The following TMEM132C variants were observed in gnomAD, a reference collection of about 807,000 sequenced individuals.
TMEM132C encodes the protein protein phosphatase 1, regulatory subunit 152.
TMEM132C carries 29 observed loss-of-function variants against 61.4 expected under a neutral mutation model. The observed-to-expected ratio is 0.47, with a 90% confidence interval of 0.35 to 0.64. TMEM132C has a LOEUF of 0.64. TMEM132C is among the 30% of genes least tolerant of loss of function. The pLI is 0.00. For synonymous variants in TMEM132C, 656 were observed against 633.1 expected (o/e 1.04, Z -0.54); for missense variants, 1,408 against 1,476.9 (o/e 0.95, Z 0.76).
At chr12:128,507,803 T>C (rs1872426484) in intron 2 of TMEM132C, among the ~76,000 whole-genome samples, 1 of 152,204 alleles carries the variant, frequency 6.6e-6, no homozygotes, top group Non-Finnish European at 1.5e-5. Context: ...CGCAGACTTC[T>C]CTGTGAGTAA....
intron 1 of TMEM132C, among the ~76,000 whole-genome samples, chr12:128,350,926 C>G (rs1873318388): frequency 6.6e-6 from 1 of 152,034 alleles, no homozygotes; most frequent in Non-Finnish European, 1.5e-5. Flanking sequence ...TTCTTAATGG[C>G]TGGAATATGA....
chr12:128,600,302 G>C (rs1876138653), intron 3 of TMEM132C, among the ~76,000 whole-genome samples: 1 of 152,134 alleles, frequency 6.6e-6, no homozygotes, highest in Admixed American at 6.5e-5. Context: ...GGTTTTATAA[G>C]GGGCTTTTCC....
chr12:128,579,184 C>G (rs932326231), intron 3 of TMEM132C, among the ~76,000 whole-genome samples: 2 of 152,190 alleles, frequency 1.3e-5, no homozygotes, highest in Non-Finnish European at 2.9e-5. Flanking sequence ...AGCCCATGCA[C>G]GGGCCTCAGT....
chr12:128,285,710 CCTTTCTCT>C (rs1225755904), intron 1 of TMEM132C, among the ~76,000 whole-genome samples: 1 of 140,974 alleles, frequency 7.1e-6, no homozygotes, highest in Non-Finnish European at 1.5e-5. Flanking sequence ...TCCCTCTGTC[CCTTTCTCT>C]CTTTCTCTCT....
At chr12:128,660,110 C>T (rs746706483) in intron 4 of TMEM132C, among the ~76,000 whole-genome samples, 7 of 152,186 alleles carry the variant, frequency 4.6e-5, no homozygotes, top group African/African-American at 1.2e-4. Flanking sequence ...GAATCTGGCA[C>T]GTAATGCATG....
chr12:128,570,227 A>C lies in TMEM132C; in HGVS notation c.1121+26124A>C, dbSNP rs1217202264. 6.6e-6 allele frequency among the ~76,000 whole-genome samples: 1 copy of C among 151,522 alleles called. No homozygotes were observed. Among genetic ancestry groups the C allele is most frequent in the Non-Finnish European group, 1.5e-5 (1 of 67,922 alleles). On this transcript the variant is annotated intron_variant, in intron 3 of 8. Transcript: ENST00000435159. The surrounding 1 kb of genome is among the most constrained non-coding windows in gnomAD (Gnocchi z 4.7). ...CTCCCCACCCCCGCACCCCCCACAC[A>C]CTCACACTGTGGTCACATTGAGAAA...
intron 2 of TMEM132C, among the ~76,000 whole-genome samples, chr12:128,514,295 A>G (rs1259366009): frequency 6.6e-6 from 1 of 152,208 alleles, no homozygotes; most frequent in African/African-American, 2.4e-5. Context: ...AAGCACTCAG[A>G]GAGCTCACAC....
chr12:128,276,573 C>T (rs1243646233), intron 1 of TMEM132C, among the ~76,000 whole-genome samples: 1 of 152,166 alleles, frequency 6.6e-6, no homozygotes, highest in Non-Finnish European at 1.5e-5. Context: ...TTCTCAGAGT[C>T]ATGAAAACCA....
In TMEM132C at chr12:128,674,906, C is replaced by A. The variant is rs568946157; in HGVS notation, c.1449+5346C>A. ...TTGCATCCTCAGAGCTTAGCTCCCA[C>A]CGGCACCTTCTGATTTATCACAGTT... is the stretch of plus-strand genomic sequence containing the variant. On this transcript the variant is annotated intron_variant, in intron 5 of 8. Coordinates refer to ENST00000435159, the MANE Select transcript of TMEM132C (RefSeq NM_001136103.3). Among the ~76,000 whole-genome samples, 61 of 151,962 alleles carry A rather than the reference C, an allele frequency of 4.0e-4. 2 individuals are homozygous for A. The South Asian group carries it at 0.013, about 31-fold the overall frequency.
intron 2 of TMEM132C, among the ~76,000 whole-genome samples, chr12:128,453,229 G>A (rs973129725): frequency 5.3e-5 from 8 of 152,178 alleles, no homozygotes; most frequent in East Asian, 1.9e-4. Context: ...CTGCTTCACC[G>A]GCTCTTGATT....
chr12:128,671,433 T>C (rs1954530998), intron 5 of TMEM132C, among the ~76,000 whole-genome samples: 1 of 152,164 alleles, frequency 6.6e-6, no homozygotes, highest in African/African-American at 2.4e-5. Context: ...CTCTGTATTT[T>C]TCTGTAAACC....
At chr12:128,345,189 G>A (rs1379393773) in intron 1 of TMEM132C, among the ~76,000 whole-genome samples, 1 of 152,068 alleles carries the variant, frequency 6.6e-6, no homozygotes, top group African/African-American at 2.4e-5. Context: ...AACTTGCTAA[G>A]GATAATGGCC....
rs955599032 is a variant in TMEM132C, at chr12:128,693,952, C to T, written c.1573C>T (p.Arg525Trp). ...CCTGTGTGTCACCGTGTGGGTGCCC[C>T]GGCTGCCCCTGCAGATCGAGGTCTC... The part of the protein sequence containing the change: ...APLCVTVWVP[R>W]LPLQIEVSDT... The change falls in exon 6 of 9, where the codon CGG (arginine) becomes TGG (tryptophan). Residue 525 changes from arginine (R) to tryptophan (W), a missense_variant. Physicochemically the swap from Arg to Trp is moderately radical, Grantham distance 101. Transcript: ENST00000435159. The T allele has an allele frequency of 7.7e-6, 12 of 1,551,626 alleles. No individual in the cohort carries two copies. Among genetic ancestry groups the T allele is most frequent in the African/African-American group, 1.4e-5 (1 of 73,030 alleles).
chr12:128,561,631 A>G (rs1478705396), intron 3 of TMEM132C, among the ~76,000 whole-genome samples: 1 of 152,232 alleles, frequency 6.6e-6, no homozygotes, highest in Non-Finnish European at 1.5e-5. Context: ...GAAAAGATGC[A>G]TGCCAAAAAG....
At chr12:128,648,179 G>A (rs1954229362) in intron 4 of TMEM132C, among the ~76,000 whole-genome samples, 1 of 152,118 alleles carries the variant, frequency 6.6e-6, no homozygotes, top group African/African-American at 2.4e-5. Context: ...TTAAATATGA[G>A]TGTGTTTACT....
At chr12:128,678,116 CATCCCTCCCTA>C (rs1954608330) in intron 5 of TMEM132C, among the ~76,000 whole-genome samples, 1 of 152,362 alleles carries the variant, frequency 6.6e-6, no homozygotes, top group East Asian at 1.9e-4. Flanking sequence ...TTTCGGGTGG[CATCCCTCCCTA>C]AACAGCAGGA....
intron 2 of TMEM132C, among the ~76,000 whole-genome samples, chr12:128,535,004 C>T (rs1873466140): frequency 6.6e-6 from 1 of 152,214 alleles, no homozygotes; most frequent in South Asian, 2.1e-4. Flanking sequence ...TTGCAAGAGG[C>T]ATTTATTTCC....
At chr12:128,644,855 C>T (rs1295620255) in intron 4 of TMEM132C, among the ~76,000 whole-genome samples, 4 of 152,026 alleles carry the variant, frequency 2.6e-5, no homozygotes, top group Non-Finnish European at 5.9e-5. Context: ...CAGAAAAGTC[C>T]GCGACAGGTA....
In TMEM132C at chr12:128,398,511, GC is replaced by G. The variant is rs375851219; in HGVS notation, c.86-16218del. 3.9e-4 allele frequency among the ~76,000 whole-genome samples: 59 copies of G among 152,310 alleles called. No individual in the cohort carries two copies. The East Asian group carries it at 0.011, about 28-fold the overall frequency. On this transcript the variant is annotated intron_variant, in intron 1 of 8. Transcript: ENST00000435159. ...GACCTTGTTATGATGTTGGCACGTT[GC>G]CCGTCTGATGTGAAAAATAAGAAAT...
Sources: gnomAD v4.1 joint callset for allele counts (sites outside exome capture counted in the v4.1 genomes callset) on GRCh38, gnomAD v4.1.1 for gene constraint, Gnocchi (gnomAD v3.1) non-coding constraint, MANE v1.5 for transcripts, NCBI Gene and HGNC (gene_info 2026-07-23, HGNC 2026-07-21) for gene names.